The following APP variants were observed in gnomAD, a reference collection of about 807,000 sequenced individuals.
The protein encoded by APP is amyloid-beta precursor protein.
Under a neutral mutation model 101.4 loss-of-function variants are expected in APP, and 31 were observed. The observed-to-expected ratio is 0.31, with a 90% CI of 0.23 to 0.41. The LOEUF is 0.41. Ranked by LOEUF, APP falls within the 10% of genes least tolerant of loss-of-function variation. The pLI, the probability that APP is intolerant of heterozygous loss-of-function variation, is 1.00. For synonymous variants in APP, 366 were observed against 364.4 expected (o/e 1.00, Z -0.05); for missense variants, 839 against 1,003.7 (o/e 0.84, Z 2.22).
chr21:26,042,332 G>A (rs2045409242), intron 5 of APP, among the ~76,000 whole-genome samples: 1 of 152,158 alleles, frequency 6.6e-6, no homozygotes, highest in Non-Finnish European at 1.5e-5. Context: ...GAGCTCATCA[G>A]GTAAGGCTAT....
At chr21:26,062,695 T>A (rs2046319630) in intron 3 of APP, among the ~76,000 whole-genome samples, 1 of 78,990 alleles carries the variant, frequency 1.3e-5, no homozygotes, top group African/African-American at 4.6e-5. Flanking sequence ...TAAATAAATA[T>A]TTGTTAGCAG....
At chr21:26,140,311 C>A in intron 1 of APP, 1 of 1,530,862 alleles carries the variant, frequency 6.5e-7, no homozygotes, top group Non-Finnish European at 8.7e-7. Context: ...CAGGCCAGAG[C>A]TTCCATCCTC....
intron 6 of APP, among the ~76,000 whole-genome samples, chr21:26,017,545 T>C (rs1023379997): frequency 6.6e-6 from 1 of 152,146 alleles, no homozygotes; most frequent in Non-Finnish European, 1.5e-5. Flanking sequence ...GCCCCAACGA[T>C]GCCTTCCACA....
chr21:26,012,631 A>G (rs1413532682), intron 6 of APP, among the ~76,000 whole-genome samples: 1 of 152,192 alleles, frequency 6.6e-6, no homozygotes, highest in Non-Finnish European at 1.5e-5. Context: ...CAGCTTTGTA[A>G]CCTGCTCAAG....
intron 14 of APP, among the ~76,000 whole-genome samples, chr21:25,911,046 C>T (rs1334405684): frequency 1.3e-5 from 2 of 152,192 alleles, no homozygotes; most frequent in Admixed American, 6.5e-5. Context: ...GAATTTTGTG[C>T]TTCCATTCCA....
chr21:26,089,657 C>A, intron 3 of APP: 1 of 282,578 alleles, frequency 3.5e-6, no homozygotes, highest in Non-Finnish European at 6.9e-6. Flanking sequence ...TTCCCGGATC[C>A]GCTACTATAG....
intron 16 of APP, among the ~76,000 whole-genome samples, chr21:25,895,521 A>G (rs2037982387): frequency 6.6e-6 from 1 of 152,072 alleles, no homozygotes; most frequent in South Asian, 2.1e-4. Context: ...TTTGTTGCAA[A>G]ATTTGTTTTA....
At chr21:26,080,668 G>A (rs1031778370) in intron 3 of APP, among the ~76,000 whole-genome samples, 1 of 151,802 alleles carries the variant, frequency 6.6e-6, no homozygotes, top group African/African-American at 2.4e-5. Context: ...CTACTCGGTA[G>A]GCTGAGGCAG....
intron 6 of APP, among the ~76,000 whole-genome samples, chr21:26,019,974 A>T (rs1269843217): frequency 1.3e-5 from 2 of 152,250 alleles, no homozygotes; most frequent in African/African-American, 4.8e-5. Context: ...TATGTGCTAA[A>T]GTGAGTAAGA....
At chr21:26,122,936 A>G (rs2062607024) in intron 1 of APP, among the ~76,000 whole-genome samples, 1 of 152,170 alleles carries the variant, frequency 6.6e-6, no homozygotes, top group Non-Finnish European at 1.5e-5. Flanking sequence ...ATATGTACAC[A>G]TCAAAGCACA....
chr21:26,167,378 T>C (rs1450910690), intron 1 of APP, among the ~76,000 whole-genome samples: 1 of 152,190 alleles, frequency 6.6e-6, no homozygotes, highest in Non-Finnish European at 1.5e-5. Context: ...TTGATAGAGA[T>C]TTTAAAAGAA....
chr21:26,093,670 G>A (rs1336795440), intron 2 of APP, among the ~76,000 whole-genome samples: 1 of 152,136 alleles, frequency 6.6e-6, no homozygotes, highest in Non-Finnish European at 1.5e-5. Context: ...ACTAGTACTA[G>A]AACTTTATAC....
chr21:26,027,436 A>G (rs1436825251), intron 5 of APP, among the ~76,000 whole-genome samples: 1 of 152,234 alleles, frequency 6.6e-6, no homozygotes, highest in Non-Finnish European at 1.5e-5. Flanking sequence ...TTTGTCCGAA[A>G]GGAAAGCAGT....
chr21:26,080,889 T>C (rs970531946), intron 3 of APP, among the ~76,000 whole-genome samples: 53 of 152,204 alleles, frequency 3.5e-4, no homozygotes, highest in African/African-American at 1.2e-3. Flanking sequence ...GCTACTGAGT[T>C]GGTCTTTTAG....
At chr21:26,156,715 AT>A (rs1279609997) in intron 1 of APP, among the ~76,000 whole-genome samples, 3 of 152,126 alleles carry the variant, frequency 2.0e-5, no homozygotes, top group Non-Finnish European at 4.4e-5. Context: ...TTGGCAGACA[AT>A]TTTTTTAGAA....
Position 26,051,227 on chromosome 21 carries a change from G to A in APP, c.469-34C>T, listed in dbSNP as rs772080183. Reference sequence around the variant, plus strand: ...TGTAAGGAGAAAACAGTGAGTGGTAGAGTAGATGTGTTTCATTGTAAGAAA... The same window carrying A: ...TGTAAGGAGAAAACAGTGAGTGGTAAAGTAGATGTGTTTCATTGTAAGAAA... On this transcript the variant is annotated intron_variant, in intron 4 of 17. Coordinates refer to ENST00000346798, the MANE Select transcript of APP (RefSeq NM_000484.4). 4 of 1,579,848 alleles carry A rather than the reference G, an allele frequency of 2.5e-6. No individual in the cohort carries two copies. In the African/African-American group the frequency reaches 4.0e-5, roughly 16 times the overall value.
intron 13 of APP, among the ~76,000 whole-genome samples, chr21:25,938,919 G>A (rs575466166): frequency 3.9e-5 from 6 of 152,180 alleles, no homozygotes; most frequent in African/African-American, 7.2e-5. Context: ...GGCCTTAGAC[G>A]ACAGTAAACA....
intron 1 of APP, among the ~76,000 whole-genome samples, chr21:26,139,238 A>C (rs2062989080): frequency 6.6e-6 from 1 of 152,242 alleles, no homozygotes; most frequent in Non-Finnish European, 1.5e-5. Flanking sequence ...GAAGAGTCAA[A>C]GAATCAAGGT....
intron 2 of APP, 125 bp from the exon 3 acceptor site, chr21:26,090,197 A>C (rs2061793823): frequency 7.1e-7 from 1 of 1,403,346 alleles, no homozygotes; most frequent in Admixed American, 2.0e-5. Context: ...TTGGGACCAG[A>C]AGTGCTTTCA....
Sources: allele counts gnomAD v4.1 joint callset (sites outside exome capture counted in the v4.1 genomes callset), GRCh38; gene constraint gnomAD v4.1.1; transcripts MANE v1.5; gene names NCBI Gene and HGNC (gene_info 2026-07-23, HGNC 2026-07-21).